The following SLC24A3 variants were observed in gnomAD, a reference collection of about 807,000 sequenced individuals.
The protein encoded by SLC24A3 is sodium/potassium/calcium exchanger 3.
In SLC24A3, 28 loss-of-function variants were observed where a neutral mutation model predicts 75.8. That is an observed-to-expected ratio of 0.37 (90% CI 0.27 to 0.51). The LOEUF is 0.51. Among genes scored for constraint, SLC24A3 ranks in the 20% least tolerant of loss-of-function variants. SLC24A3 has a pLI of 0.94. For missense variants in SLC24A3, 663 were observed against 847.8 expected, an observed-to-expected ratio of 0.78 and a Z score of 2.71; for synonymous variants, 372 against 334.1, an observed-to-expected ratio of 1.11 and a Z score of -1.24.
intron 2 of SLC24A3, among the ~76,000 whole-genome samples, chr20:19,426,688 T>G (rs77970398): frequency 1.3e-3 from 197 of 152,344 alleles, no homozygotes; most frequent in Non-Finnish European, 2.2e-3. Flanking sequence ...TTGTGAGATG[T>G]TGCCACATTC....
chr20:19,328,474 G>T (rs898994011), intron 2 of SLC24A3, among the ~76,000 whole-genome samples: 1 of 152,212 alleles, frequency 6.6e-6, no homozygotes. Flanking sequence ...AGTAACAGGG[G>T]CAGGGTGAGG....
intron 2 of SLC24A3, among the ~76,000 whole-genome samples, chr20:19,460,051 G>A (rs1987643218): frequency 6.6e-6 from 1 of 152,174 alleles, no homozygotes; most frequent in Admixed American, 6.5e-5. Context: ...AAAAGAAGTG[G>A]GCCAGGGTGA....
chr20:19,224,090 G>C (rs185706524), intron 1 of SLC24A3, among the ~76,000 whole-genome samples: 124 of 151,724 alleles, frequency 8.2e-4, no homozygotes, highest in African/African-American at 3.0e-3. Context: ...GATAAATGAG[G>C]ACTACTGTAC....
intron 2 of SLC24A3, among the ~76,000 whole-genome samples, chr20:19,380,963 G>A (rs1022535699): frequency 1.3e-5 from 2 of 152,198 alleles, no homozygotes; most frequent in African/African-American, 4.8e-5. Context: ...AGCCAGGCCA[G>A]GACACATAGG....
At chr20:19,708,911 C>T (rs1474872804) in intron 15 of SLC24A3, among the ~76,000 whole-genome samples, 4 of 152,156 alleles carry the variant, frequency 2.6e-5, no homozygotes, top group Non-Finnish European at 5.9e-5. Flanking sequence ...AAGGGCTTAC[C>T]TGGAAAGCTG....
intron 2 of SLC24A3, among the ~76,000 whole-genome samples, chr20:19,307,742 A>G (rs943202440): frequency 6.6e-6 from 1 of 152,198 alleles, no homozygotes; most frequent in African/African-American, 2.4e-5. Flanking sequence ...CATGTTCAGC[A>G]CGTGTATCCC....
At chr20:19,463,015 G>A (rs80217021) in intron 2 of SLC24A3, among the ~76,000 whole-genome samples, 2,503 of 152,018 alleles carry the variant, frequency 0.016, 67 homozygotes, top group East Asian at 0.1. Context: ...TTCACTGCCC[G>A]GGGTCTGGTC....
At chr20:19,335,351 C>A (rs555608110) in intron 2 of SLC24A3, among the ~76,000 whole-genome samples, 1 of 152,288 alleles carries the variant, frequency 6.6e-6, no homozygotes, top group African/African-American at 2.4e-5. Context: ...ACAGATAGGA[C>A]TTTGTGTGCT....
At chr20:19,414,215 T>G (rs2122425199) in intron 2 of SLC24A3, among the ~76,000 whole-genome samples, 1 of 152,272 alleles carries the variant, frequency 6.6e-6, no homozygotes, top group East Asian at 1.9e-4. Context: ...GAGGCACAGA[T>G]TTTCTGGAAA....
At chr20:19,467,114 C>A (rs1194872244) in intron 2 of SLC24A3, among the ~76,000 whole-genome samples, 1 of 152,164 alleles carries the variant, frequency 6.6e-6, no homozygotes, top group Admixed American at 6.5e-5. Context: ...TTTGAAAGAT[C>A]ACTCTAGCTG....
chr20:19,405,367 G>GT (rs1177031792), intron 2 of SLC24A3, among the ~76,000 whole-genome samples: 1 of 152,102 alleles, frequency 6.6e-6, no homozygotes, highest in Non-Finnish European at 1.5e-5. Flanking sequence ...CTGTCTTCCC[G>GT]TTTTTTCTGG....
chr20:19,324,045 G>A (rs890895485), intron 2 of SLC24A3, among the ~76,000 whole-genome samples: 4 of 152,210 alleles, frequency 2.6e-5, no homozygotes, highest in Admixed American at 2.0e-4. Context: ...ACAGTGCCCG[G>A]CGCAGGATGA....
At chr20:19,527,008 A>T (rs1044682312) in intron 3 of SLC24A3, among the ~76,000 whole-genome samples, 10 of 152,016 alleles carry the variant, frequency 6.6e-5, no homozygotes, top group African/African-American at 2.4e-4. Flanking sequence ...CATAAACCCC[A>T]TGTATCACGG....
intron 2 of SLC24A3, among the ~76,000 whole-genome samples, chr20:19,305,660 T>A (rs1396644391): frequency 6.6e-6 from 1 of 152,094 alleles, no homozygotes; most frequent in African/African-American, 2.4e-5. Context: ...GGGAAAGGAC[T>A]CCTTACGCGA....
At chr20:19,580,610 C>T (rs918854521) in intron 4 of SLC24A3, among the ~76,000 whole-genome samples, 4 of 152,132 alleles carry the variant, frequency 2.6e-5, no homozygotes, top group Admixed American at 2.0e-4. Context: ...TAGAAATCAT[C>T]ATAGTGCATG....
At chr20:19,527,471 G>A (rs1225829739) in intron 3 of SLC24A3, among the ~76,000 whole-genome samples, 1 of 152,242 alleles carries the variant, frequency 6.6e-6, no homozygotes, top group African/African-American at 2.4e-5. Context: ...GGCTCTGGGG[G>A]TTTCATCAGT....
chr20:19,526,344 G>A (rs950856076), intron 3 of SLC24A3, among the ~76,000 whole-genome samples: 2 of 152,064 alleles, frequency 1.3e-5, no homozygotes, highest in African/African-American at 4.8e-5. Context: ...TAATATTCTG[G>A]GCCTCAGTGT....
At chr20:19,331,709 C>G (rs1431572143) in intron 2 of SLC24A3, among the ~76,000 whole-genome samples, 1 of 152,156 alleles carries the variant, frequency 6.6e-6, no homozygotes, top group East Asian at 1.9e-4. Flanking sequence ...ATCTCAGGCC[C>G]CATCTTTCAT....
chr20:19,424,480 A>G (rs559218948), intron 2 of SLC24A3, among the ~76,000 whole-genome samples: 37 of 151,248 alleles, frequency 2.4e-4, no homozygotes, highest in African/African-American at 8.4e-4. Flanking sequence ...ATTTAAGGTC[A>G]GGAGTTCAAG....
Sources: allele counts gnomAD v4.1 joint callset (sites outside exome capture counted in the v4.1 genomes callset), GRCh38; gene constraint gnomAD v4.1.1; transcripts MANE v1.5; gene names NCBI Gene and HGNC (gene_info 2026-07-23, HGNC 2026-07-21).